PGR: variants seen among roughly 807,000 people sequenced by gnomAD.
PGR encodes nuclear receptor subfamily 3 group C member 3.
A neutral mutation model predicts 76.1 loss-of-function variants in PGR; 25 were observed. That is an observed-to-expected ratio of 0.33 (90% CI 0.24 to 0.46). The LOEUF (loss-of-function observed/expected upper bound fraction) is 0.46. Ranked by LOEUF, PGR falls within the 20% of genes least tolerant of loss-of-function variation. The pLI, the probability that PGR is intolerant of heterozygous loss-of-function variation, is 1.00. For synonymous variants in PGR, 579 were observed against 535.0 expected (o/e 1.08, Z -1.14); for missense variants, 1,172 against 1,225.3 (o/e 0.96, Z 0.65).
In PGR at chr11:101,127,541, C is replaced by T; in HGVS notation, c.1530G>A (p.Ala510=). The change falls in exon 1 of 8, where the codon GCG becomes GCA. Residue 510 remains alanine, a synonymous_variant. Transcript: ENST00000325455. The stretch of plus-strand genomic sequence containing the variant: ...CGTTGAGGCCGAGTGCAGGGTAGAG[C>T]GCGGGGGCCGCCCCGGCGGCGGCGG... ...ASAAAAGAAP[A]LYPALGLNGL... The T allele has an allele frequency of 7.0e-7, 1 of 1,423,664 alleles. No individual in the cohort carries two copies. Among genetic ancestry groups the T allele is most frequent in the Non-Finnish European group, 9.2e-7 (1 of 1,087,518 alleles). The allele number at this position is 1,423,664 out of a possible 1,614,324, so 88.2% of individuals were successfully genotyped here.
rs1170763808 is a variant in PGR at position 101,030,013 on chromosome 11, C to T, written c.*9103G>A. The T allele has an allele frequency of 9.0e-6, 2 of 222,460 alleles. No homozygotes were observed. The highest frequency in any genetic ancestry group is 1.8e-5 in the Non-Finnish European group (2 of 111,400). 13.8% of individuals were successfully genotyped at this position (222,460 alleles called of 1,614,324 possible). On this transcript the variant is annotated 3_prime_UTR_variant, in exon 8 of 8. Coordinates refer to ENST00000325455, the MANE Select transcript of PGR (RefSeq NM_000926.4). Reference sequence around the variant, plus strand: ...CAAAAACCTTCAGAACAATTGTCAACATACTCTCAAATGTCTTTCCCACTC... The same window carrying T: ...CAAAAACCTTCAGAACAATTGTCAATATACTCTCAAATGTCTTTCCCACTC...
chr11:101,118,142 A>T (rs377034388), intron 2 of PGR, among the ~76,000 whole-genome samples: 6 of 152,322 alleles, frequency 3.9e-5, no homozygotes, highest in African/African-American at 1.4e-4. Context: ...AGGAATATCC[A>T]GTGGAAGTTA....
intron 2 of PGR, among the ~76,000 whole-genome samples, chr11:101,105,681 C>G (rs1186901181): frequency 1.3e-5 from 2 of 151,904 alleles, no homozygotes; most frequent in African/African-American, 4.8e-5. Flanking sequence ...CAATGTTATC[C>G]CCATCAAGCT....
chr11:101,116,377 C>T (rs192118330), intron 2 of PGR, among the ~76,000 whole-genome samples: 8 of 152,278 alleles, frequency 5.3e-5, no homozygotes, highest in African/African-American at 1.2e-4. Context: ...TGAGACTAGG[C>T]GGGGCCAGTG....
At chr11:101,064,409 G>A (rs1860638933) in intron 3 of PGR, among the ~76,000 whole-genome samples, 1 of 139,092 alleles carries the variant, frequency 7.2e-6, no homozygotes, top group Non-Finnish European at 1.5e-5. Context: ...GTAGGAGATG[G>A]GAAAACAAAA....
chr11:101,082,707 C>T lies in PGR; in HGVS notation c.1906+9053G>A, dbSNP rs144392234. ...TCTGGTGGAAAAAATTTCTAAGCAA[C>T]AAAGCATTCCAGATGTATGTGACCT... On this transcript the variant is annotated intron_variant, in intron 3 of 7. Transcript: ENST00000325455. Among the ~76,000 whole-genome samples the T allele has an allele frequency of 3.3e-3, 507 of 152,266 alleles. 5 individuals carry two copies. Among genetic ancestry groups the T allele is most frequent in the Middle Eastern group, 0.01 (3 of 294 alleles).
chr11:101,062,394 C>T (rs138491780), intron 4 of PGR, 53 bp downstream of exon 4: 9 of 1,332,768 alleles, frequency 6.8e-6, no homozygotes, highest in Admixed American at 5.1e-5. Flanking sequence ...TGTACTAATA[C>T]AACAAACATA....
At chr11:101,074,264 C>T (rs181857974) in intron 3 of PGR, among the ~76,000 whole-genome samples, 593 of 152,168 alleles carry the variant, frequency 3.9e-3, no homozygotes, top group Non-Finnish European at 6.4e-3. Context: ...AGGCCTTTAA[C>T]AAAATTCAAC....
At chr11:101,092,513 T>C (rs902075404) in intron 2 of PGR, among the ~76,000 whole-genome samples, 5 of 152,214 alleles carry the variant, frequency 3.3e-5, no homozygotes, top group East Asian at 1.9e-4. Context: ...TTAAAACAGA[T>C]AGAAGTACTC....
At position 101,036,399 on chromosome 11, in the gene PGR, A is replaced by T. The variant is rs1463012688; in HGVS notation, c.*2717T>A. On this transcript the variant is annotated 3_prime_UTR_variant, in exon 8 of 8. Transcript: ENST00000325455. Reference sequence around the variant, plus strand: ...ATGGCTTTTCAAACCTTTTTACAGAAAATATTTTCATTAACTCAAGAATCT... The same window carrying T: ...ATGGCTTTTCAAACCTTTTTACAGATAATATTTTCATTAACTCAAGAATCT... 3 of 204,338 alleles carry T rather than the reference A, an allele frequency of 1.5e-5. No homozygotes were observed. The highest frequency in any genetic ancestry group is 6.9e-5 in the African/African-American group (3 of 43,750). 12.7% of individuals were successfully genotyped at this position (204,338 alleles called of 1,614,324 possible). A position where few individuals can be genotyped will look rare whatever the true frequency, so the allele number is the denominator to read the frequency against.
intron 4 of PGR, among the ~76,000 whole-genome samples, chr11:101,056,511 G>GCTGGGGAGGCTGAAGTTA: frequency 6.6e-6 from 1 of 152,012 alleles, no homozygotes; most frequent in South Asian, 2.1e-4. Context: ...CACCTGTAGT[G>GCTGGGGAGGCTGAAGTTA]CTGGGGAGGC....
chr11:101,084,793 G>A (rs1427197978), intron 3 of PGR, among the ~76,000 whole-genome samples: 2 of 152,168 alleles, frequency 1.3e-5, no homozygotes, highest in Non-Finnish European at 1.5e-5. Flanking sequence ...GATGTAGCAT[G>A]CAAACAGAAA....
chr11:101,062,401 C>T, intron 4 of PGR, 46 bp downstream of exon 4: 1 of 1,382,826 alleles, frequency 7.2e-7, no homozygotes. Context: ...ATACAACAAA[C>T]ATAGTATATT....
chr11:101,100,605 C>CACA (rs1861967171), intron 2 of PGR, among the ~76,000 whole-genome samples: 4 of 147,580 alleles, frequency 2.7e-5, no homozygotes, highest in Non-Finnish European at 6.0e-5. Flanking sequence ...TATTTTGAAT[C>CACA]CACACACACA....
intron 2 of PGR, among the ~76,000 whole-genome samples, chr11:101,119,584 C>G (rs1035869854): frequency 2.6e-5 from 4 of 152,058 alleles, no homozygotes; most frequent in South Asian, 2.1e-4. Flanking sequence ...CGAATAAATA[C>G]TTGATTGAGA....
intron 2 of PGR, among the ~76,000 whole-genome samples, chr11:101,103,542 C>A (rs560010273): frequency 6.6e-6 from 1 of 152,054 alleles, no homozygotes; most frequent in Admixed American, 6.5e-5. Flanking sequence ...ACAAGTACTT[C>A]GGTAAAGACT....
rs143297007 is a variant in PGR, at chr11:101,050,701, T to C, written c.2358-642A>G. ...TGAAGCTAACAAGAATAATGAAAAC[T>C]AGATTTTGGCTAAAAAGAGATAAGG... On this transcript the variant is annotated intron_variant, in intron 5 of 7. Coordinates refer to ENST00000325455, the MANE Select transcript of PGR (RefSeq NM_000926.4). 1.2e-3 allele frequency among the ~76,000 whole-genome samples: 180 copies of C among 152,218 alleles called. 1 individual carries two copies. The Middle Eastern group carries it at 0.037, about 32-fold the overall frequency.
At chr11:101,122,853 A>C (rs1050863227) in intron 2 of PGR, among the ~76,000 whole-genome samples, 2 of 152,028 alleles carry the variant, frequency 1.3e-5, no homozygotes, top group Non-Finnish European at 2.9e-5. Context: ...ATGTCTTCTT[A>C]TTGCTGCCCT....
chr11:101,074,163 T>G (rs1436407631), intron 3 of PGR, among the ~76,000 whole-genome samples: 1 of 152,182 alleles, frequency 6.6e-6, no homozygotes, highest in East Asian at 1.9e-4. Context: ...GATGAAAGCC[T>G]GGATCAACAT....
Sources: allele counts gnomAD v4.1 joint callset (sites outside exome capture counted in the v4.1 genomes callset), GRCh38; gene constraint gnomAD v4.1.1; transcripts MANE v1.5; gene names NCBI Gene and HGNC (gene_info 2026-07-23, HGNC 2026-07-21).